Variants in STT3B observed in about 807,000 individuals in gnomAD.
STT3B encodes the protein dolichyl-diphosphooligosaccharide--protein glycosyltransferase subunit STT3B.
A neutral mutation model predicts 96.8 loss-of-function variants in STT3B; 29 were observed. The observed-to-expected ratio is 0.30, with a 90% CI of 0.22 to 0.41. STT3B has a LOEUF of 0.41. STT3B is among the 10% of genes least tolerant of loss of function. STT3B has a pLI of 1.00. For synonymous variants in STT3B, 367 were observed against 360.0 expected (o/e 1.02, Z -0.22); for missense variants, 640 against 1,022.3 (o/e 0.63, Z 5.10).
chr3:31,584,051 A>C (rs541332944), intron 3 of STT3B, among the ~76,000 whole-genome samples: 3 of 152,312 alleles, frequency 2.0e-5, no homozygotes, highest in Non-Finnish European at 4.4e-5. Context: ...TTATATGTCA[A>C]GTTCCTCCAC....
At chr3:31,549,185 A>C (rs551069407) in intron 1 of STT3B, among the ~76,000 whole-genome samples, 13 of 152,198 alleles carry the variant, frequency 8.5e-5, no homozygotes, top group Non-Finnish European at 1.8e-4. Context: ...GACTTTCTTC[A>C]GTGTTTTAAA....
chr3:31,635,719 G>T (rs1465175610), intron 15 of STT3B, among the ~76,000 whole-genome samples: 1 of 152,188 alleles, frequency 6.6e-6, no homozygotes, highest in East Asian at 1.9e-4. Flanking sequence ...AGCACTTTGT[G>T]GTTGAGAAGA....
intron 14 of STT3B, among the ~76,000 whole-genome samples, chr3:31,632,368 C>T (rs1699681768): frequency 6.6e-6 from 1 of 152,064 alleles, no homozygotes. Flanking sequence ...ACATCCCAAT[C>T]GAAGATACAG....
At chr3:31,559,406 G>C (rs959549540) in intron 1 of STT3B, among the ~76,000 whole-genome samples, 4 of 150,320 alleles carry the variant, frequency 2.7e-5, no homozygotes, top group Non-Finnish European at 5.9e-5. Flanking sequence ...TTAGATTTTT[G>C]TTTGTTCCAA....
chr3:31,627,161 G>C (rs1335573726), intron 13 of STT3B, among the ~76,000 whole-genome samples: 1 of 152,160 alleles, frequency 6.6e-6, no homozygotes, highest in African/African-American at 2.4e-5. Context: ...TCCGTGGCCT[G>C]TTAGGAACCA....
intron 3 of STT3B, among the ~76,000 whole-genome samples, chr3:31,583,857 T>G (rs1350279607): frequency 6.6e-6 from 1 of 152,210 alleles, no homozygotes; most frequent in Non-Finnish European, 1.5e-5. Context: ...CCCTTTACTT[T>G]TGAGCATATT....
intron 1 of STT3B, among the ~76,000 whole-genome samples, chr3:31,565,083 T>A (rs1466905806): frequency 6.6e-6 from 1 of 152,240 alleles, no homozygotes; most frequent in Non-Finnish European, 1.5e-5. Context: ...TCATTCTTTC[T>A]TTTTCATGAG....
chr3:31,561,848 T>G (rs547203508), intron 1 of STT3B, among the ~76,000 whole-genome samples: 1 of 152,208 alleles, frequency 6.6e-6, no homozygotes, highest in African/African-American at 2.4e-5. Flanking sequence ...TTGGTATTGA[T>G]TCTGTGTGTG....
chr3:31,613,774 G>A (rs1341213062), intron 5 of STT3B, among the ~76,000 whole-genome samples: 2 of 151,774 alleles, frequency 1.3e-5, no homozygotes, highest in Admixed American at 6.6e-5. Flanking sequence ...GTCATGTGAC[G>A]GGGAAATTTT....
intron 1 of STT3B, among the ~76,000 whole-genome samples, chr3:31,552,970 C>T (rs984385958): frequency 2.6e-5 from 4 of 151,692 alleles, no homozygotes; most frequent in African/African-American, 7.3e-5. Flanking sequence ...GGCATGGTGG[C>T]GCGTGCCTGT....
At chr3:31,535,363 A>G (rs1426046394) in intron 1 of STT3B, among the ~76,000 whole-genome samples, 2 of 149,128 alleles carry the variant, frequency 1.3e-5, no homozygotes, top group Non-Finnish European at 3.0e-5. Context: ...GTAGCTAAGT[A>G]TTAAAAGTTT....
chr3:31,555,001 C>T (rs1418467454), intron 1 of STT3B, among the ~76,000 whole-genome samples: 1 of 152,120 alleles, frequency 6.6e-6, no homozygotes, highest in Non-Finnish European at 1.5e-5. Flanking sequence ...AGAACTGGAT[C>T]ATAATTACTG....
intron 1 of STT3B, among the ~76,000 whole-genome samples, chr3:31,573,063 T>A (rs973691370): frequency 2.6e-5 from 4 of 152,104 alleles, no homozygotes; most frequent in African/African-American, 9.7e-5. Flanking sequence ...GAGGGAGACA[T>A]CAGTGATACA....
At chr3:31,621,535 G>C (rs796744257) in intron 9 of STT3B, among the ~76,000 whole-genome samples, 60 of 152,234 alleles carry the variant, frequency 3.9e-4, no homozygotes, top group African/African-American at 1.4e-3. Flanking sequence ...GCCAGAAATA[G>C]TTAGAGTCTT....
chr3:31,552,879 G>C (rs1052294807), intron 1 of STT3B, among the ~76,000 whole-genome samples: 12 of 151,958 alleles, frequency 7.9e-5, no homozygotes, highest in Admixed American at 7.9e-4. Context: ...CGAGACGGGC[G>C]GATCACGAGG....
At chr3:31,553,056 C>G (rs1291129270) in intron 1 of STT3B, among the ~76,000 whole-genome samples, 1 of 147,742 alleles carries the variant, frequency 6.8e-6, no homozygotes, top group Non-Finnish European at 1.5e-5. Flanking sequence ...GAGTCGAGAT[C>G]GCGCCACTGC....
chr3:31,546,841 A>G (rs1223302631), intron 1 of STT3B, among the ~76,000 whole-genome samples: 2 of 152,142 alleles, frequency 1.3e-5, no homozygotes, highest in Non-Finnish European at 2.9e-5. Flanking sequence ...AAGCAATCCT[A>G]TTAGATATTT....
At chr3:31,541,882 C>T (rs1220580967) in intron 1 of STT3B, among the ~76,000 whole-genome samples, 1 of 152,044 alleles carries the variant, frequency 6.6e-6, no homozygotes, top group Non-Finnish European at 1.5e-5. Flanking sequence ...GGCATTTCAG[C>T]AATAATTTGG....
chr3:31,626,434 T>C (rs534585277), intron 13 of STT3B, among the ~76,000 whole-genome samples: 1 of 152,252 alleles, frequency 6.6e-6, no homozygotes, highest in South Asian at 2.1e-4. Flanking sequence ...TCCACTCTAG[T>C]ACTTACCCTT....
Sources: gnomAD v4.1 joint callset for allele counts (sites outside exome capture counted in the v4.1 genomes callset) on GRCh38, gnomAD v4.1.1 for gene constraint, MANE v1.5 for transcripts, NCBI Gene and HGNC (gene_info 2026-07-23, HGNC 2026-07-21) for gene names.